Variants in NUAK1 observed in about 807,000 individuals in gnomAD.
NUAK1 encodes NUAK family SNF1-like kinase 1.
Under a neutral mutation model 56.9 loss-of-function variants are expected in NUAK1, and 26 were observed. The ratio of observed to expected loss-of-function variants is 0.46; its 90% CI spans 0.33 to 0.63. The LOEUF is 0.63. Ranked by LOEUF, NUAK1 falls within the 30% of genes least tolerant of loss-of-function variation. The pLI, the probability that NUAK1 is intolerant of heterozygous loss-of-function variation, is 0.02. For missense variants in NUAK1, 727 were observed against 876.1 expected, an observed-to-expected ratio of 0.83 and a Z score of 2.15; for synonymous variants, 337 against 336.0, an observed-to-expected ratio of 1.00 and a Z score of -0.03.
At chr12:106,106,985 C>T (rs1013710891) in intron 1 of NUAK1, among the ~76,000 whole-genome samples, 1 of 152,190 alleles carries the variant, frequency 6.6e-6, no homozygotes, top group African/African-American at 2.4e-5. Flanking sequence ...GCCTGGCCAA[C>T]CTCGAGGCCA....
rs2032302054 is a variant in NUAK1, at chr12:106,063,383, CAG to C, written c.*3417_*3418del. The C allele has an allele frequency of 1.3e-5, 2 of 152,272 alleles. No individual in the cohort carries two copies. The highest frequency in any genetic ancestry group is 1.5e-5 in the Non-Finnish European group (1 of 68,010). 9.4% of individuals were successfully genotyped at this position (152,272 alleles called of 1,614,324 possible). On this transcript the variant is annotated 3_prime_UTR_variant, in exon 7 of 7. Coordinates refer to ENST00000261402, the MANE Select transcript of NUAK1 (RefSeq NM_014840.3). ...AATTTATTTAATTTAAAAATAAAAA[CAG>C]AAACAAAAACCAAAATGAAACAAAA...
At chr12:106,101,757 C>T (rs1592855823) in intron 2 of NUAK1, among the ~76,000 whole-genome samples, 1 of 152,206 alleles carries the variant, frequency 6.6e-6, no homozygotes, top group Non-Finnish European at 1.5e-5. Context: ...AAATGGGAAT[C>T]CCTGGCCTGC....
intron 4 of NUAK1, 101 bp from the exon 5 acceptor site, chr12:106,072,944 A>G (rs2032421359): frequency 7.2e-7 from 1 of 1,396,968 alleles, no homozygotes; most frequent in African/African-American, 1.4e-5. Context: ...GATGAAGGGC[A>G]CCTGGGTGGG....
chr12:106,113,786 G>C (rs1438888446), intron 1 of NUAK1, among the ~76,000 whole-genome samples: 1 of 151,656 alleles, frequency 6.6e-6, no homozygotes, highest in African/African-American at 2.4e-5. Flanking sequence ...CCTGGTAAAT[G>C]GAAAGTTTGC....
At chr12:106,113,555 C>T (rs529220298) in intron 1 of NUAK1, among the ~76,000 whole-genome samples, 1 of 151,780 alleles carries the variant, frequency 6.6e-6, no homozygotes, top group Non-Finnish European at 1.5e-5. Context: ...GCATTCTTTA[C>T]AGCCTCCCAG....
chr12:106,119,584 A>T (rs1407569601), intron 1 of NUAK1, among the ~76,000 whole-genome samples: 7 of 152,232 alleles, frequency 4.6e-5, no homozygotes, highest in Non-Finnish European at 1.0e-4. Context: ...GCTGCTAGAC[A>T]CAGCCTCACT....
At chr12:106,112,742 T>C (rs2032875093) in intron 1 of NUAK1, among the ~76,000 whole-genome samples, 1 of 149,418 alleles carries the variant, frequency 6.7e-6, no homozygotes. Flanking sequence ...AGAAATGGAT[T>C]GGAAGCCAAG....
In NUAK1 at chr12:106,138,454, C is replaced by T; in HGVS notation, c.200G>A (p.Gly67Asp). Reference sequence around the variant, plus strand: ...CCTCTCGGTGGCCCGCTTGACTTTGCCGTAGGTGCCTTTGCCCAGGGTCTC... The same window carrying T: ...CCTCTCGGTGGCCCGCTTGACTTTGTCGTAGGTGCCTTTGCCCAGGGTCTC... Reference protein sequence around the residue: ...LQETLGKGTYGKVKRATERFS... With the variant: ...LQETLGKGTYDKVKRATERFS... The change falls in exon 1 of 7, where the codon GGC becomes GAC. Residue 67 changes from glycine (G) to aspartate (D), a missense_variant. Physicochemically the swap from Gly to Asp is moderately conservative, Grantham distance 94. Coordinates refer to ENST00000261402, the MANE Select transcript of NUAK1 (RefSeq NM_014840.3). The surrounding 1 kb of genome is among the most constrained non-coding windows in gnomAD (Gnocchi z 5.0). The T allele has an allele frequency of 6.2e-7, 1 of 1,611,948 alleles. No homozygotes were observed. The highest frequency in any genetic ancestry group is 8.5e-7 in the Non-Finnish European group (1 of 1,179,382).
chr12:106,086,955 G>T, intron 2 of NUAK1, 70 bp from the exon 3 acceptor site: 1 of 1,561,362 alleles, frequency 6.4e-7, no homozygotes, highest in Non-Finnish European at 8.7e-7. Context: ...TACAGAGAAT[G>T]CGAGAGAGGA....
chr12:106,106,087 C>A lies in NUAK1; in HGVS notation c.361+318G>T, dbSNP rs193177152. The A allele has an allele frequency of 2.5e-4, 52 of 209,224 alleles. No homozygotes were observed. The East Asian group carries it at 4.9e-3, about 20-fold the overall frequency. 13.0% of individuals were successfully genotyped at this position (209,224 alleles called of 1,614,324 possible). ...TATCCACTGTTATTTGGTCACCCAG[C>A]AAACTGTCATTTTTCAGAAACCAGG... On this transcript the variant is annotated intron_variant, in intron 2 of 6. Coordinates refer to ENST00000261402, the MANE Select transcript of NUAK1 (RefSeq NM_014840.3).
intron 1 of NUAK1, among the ~76,000 whole-genome samples, chr12:106,132,126 C>T (rs972011934): frequency 2.0e-5 from 3 of 152,202 alleles, no homozygotes; most frequent in African/African-American, 2.4e-5. Context: ...CCTGGATATA[C>T]GTCTCTCCCT....
chr12:106,107,622 T>A (rs930407821), intron 1 of NUAK1, among the ~76,000 whole-genome samples: 1 of 152,056 alleles, frequency 6.6e-6, no homozygotes, highest in Non-Finnish European at 1.5e-5. Flanking sequence ...GCAAAGAAAG[T>A]CCTCATTATC....
At chr12:106,136,456 T>G (rs1247341632) in intron 1 of NUAK1, among the ~76,000 whole-genome samples, 6 of 152,322 alleles carry the variant, frequency 3.9e-5, no homozygotes, top group South Asian at 4.1e-4. Flanking sequence ...GGCGGACTCC[T>G]GCCTACTGAT....
intron 2 of NUAK1, among the ~76,000 whole-genome samples, chr12:106,091,392 C>T (rs1318129810): frequency 6.6e-6 from 1 of 152,132 alleles, no homozygotes; most frequent in African/African-American, 2.4e-5. Context: ...AGGTGGTGTA[C>T]AGCCTGGTTT....
At chr12:106,123,814 C>T (rs1216825710) in intron 1 of NUAK1, among the ~76,000 whole-genome samples, 5 of 152,192 alleles carry the variant, frequency 3.3e-5, no homozygotes, top group Non-Finnish European at 4.4e-5. Flanking sequence ...CTTTCCTCCC[C>T]GTCATTCTGC....
intron 1 of NUAK1, among the ~76,000 whole-genome samples, chr12:106,132,981 G>A (rs116999550): frequency 0.049 from 7,505 of 152,248 alleles, 287 homozygotes; most frequent in South Asian, 0.17. Context: ...CTGTGAGTCA[G>A]GTTCTTCATC....
At position 106,063,931 on chromosome 12, in the gene NUAK1, T is replaced by G. The variant is rs2032307538; in HGVS notation, c.*2871A>C. On this transcript the variant is annotated 3_prime_UTR_variant, in exon 7 of 7. Coordinates refer to ENST00000261402, the MANE Select transcript of NUAK1 (RefSeq NM_014840.3). The stretch of plus-strand genomic sequence containing the variant: ...GCCATTCAGAGGGTACTTAGCATTT[T>G]CATTTCACCTGGGGTCTTGAAGCAC... 6.6e-6 allele frequency: 1 copy of G among 152,628 alleles called. No homozygotes were observed. The highest frequency in any genetic ancestry group is 2.4e-5 in the African/African-American group (1 of 41,446). 9.5% of individuals were successfully genotyped at this position (152,628 alleles called of 1,614,324 possible).
chr12:106,099,108 G>A (rs997831915), intron 2 of NUAK1, among the ~76,000 whole-genome samples: 5 of 152,138 alleles, frequency 3.3e-5, no homozygotes, highest in Admixed American at 6.5e-5. Flanking sequence ...AGCCAGTTAC[G>A]TTTGTATTTA....
At chr12:106,090,396 G>GCCTT (rs2032623745) in intron 2 of NUAK1, among the ~76,000 whole-genome samples, 1 of 152,134 alleles carries the variant, frequency 6.6e-6, no homozygotes, top group Non-Finnish European at 1.5e-5. Context: ...GCTTCTTGAA[G>GCCTT]CCTTTCTTAA....
Sources: gnomAD v4.1 joint callset for allele counts (sites outside exome capture counted in the v4.1 genomes callset) on GRCh38, gnomAD v4.1.1 for gene constraint, Gnocchi (gnomAD v3.1) non-coding constraint, MANE v1.5 for transcripts, NCBI Gene and HGNC (gene_info 2026-07-23, HGNC 2026-07-21) for gene names.